The following ABCB7 variants were observed in gnomAD, a reference collection of about 807,000 sequenced individuals.
ABCB7 encodes ATP binding cassette subfamily B member 7.
A neutral mutation model predicts 54.4 loss-of-function variants in ABCB7; 7 were observed. The ratio of observed to expected loss-of-function variants is 0.13; its 90% confidence interval spans 0.07 to 0.24. ABCB7 has a LOEUF of 0.24. Among genes scored for constraint, ABCB7 ranks in the 10% least tolerant of loss-of-function variants. The probability of loss-of-function intolerance (pLI) is 1.00; values close to 1 mark genes in which losing one functional copy is unlikely to be tolerated. For missense variants in ABCB7, 356 were observed against 570.4 expected (o/e 0.62, Z 3.83); for synonymous variants, 218 against 207.1 (o/e 1.05, Z -0.45).
intron 1 of ABCB7, among the ~76,000 whole-genome samples, chrX:75,120,671 G>A (rs1253973957): frequency 1.8e-5 from 2 of 111,190 alleles, no homozygotes; most frequent in African/African-American, 6.6e-5. Context: ...GGAGAAACTG[G>A]TTATTTTACC....
rs1362221057 is a variant in ABCB7 at position 75,051,615 on chromosome X, G to A, written c.*1755C>T. ...CAGGTAAAACTTTTTTTCCTCCCAA[G>A]GTAAAACTTGATTATGTTGTTTGGG... On this transcript the variant is annotated 3_prime_UTR_variant, in exon 16 of 16. Coordinates refer to ENST00000373394, the MANE Select transcript of ABCB7 (RefSeq NM_001271696.3). 9.0e-6 allele frequency: 1 copy of A among 111,706 alleles called. No homozygotes were observed. Among genetic ancestry groups the A allele is most frequent in the East Asian group, 2.8e-4 (1 of 3,592 alleles). The allele number at this position is 111,706 out of a possible 1,213,427, so 9.2% of individuals were successfully genotyped here.
At chrX:75,147,010 A>G (rs1225734552) in intron 1 of ABCB7, among the ~76,000 whole-genome samples, 1 of 111,231 alleles carries the variant, frequency 9.0e-6, no homozygotes, top group Non-Finnish European at 1.9e-5. Flanking sequence ...AGTATATGAA[A>G]AAAACACTTT....
At chrX:75,073,264 A>T (rs1346595015) in intron 8 of ABCB7, among the ~76,000 whole-genome samples, 2 of 111,971 alleles carry the variant, frequency 1.8e-5, no homozygotes, top group African/African-American at 6.5e-5. Flanking sequence ...TCAAATATTA[A>T]ATGATGGGTC....
intron 4 of ABCB7, among the ~76,000 whole-genome samples, chrX:75,079,688 A>C (rs1391618820): frequency 9.0e-6 from 1 of 111,507 alleles, no homozygotes; most frequent in Non-Finnish European, 1.9e-5. Flanking sequence ...TTCAGTTTTC[A>C]CCAACTTTTA....
At chrX:75,068,779 T>C (rs988938086) in intron 12 of ABCB7, among the ~76,000 whole-genome samples, 7 of 112,209 alleles carry the variant, frequency 6.2e-5, no homozygotes, top group Non-Finnish European at 1.3e-4. Context: ...GTGTTCTTTG[T>C]ATTCTATTAT....
chrX:75,065,790 C>T (rs2081313493), intron 12 of ABCB7, among the ~76,000 whole-genome samples: 1 of 111,197 alleles, frequency 9.0e-6, no homozygotes, highest in African/African-American at 3.3e-5. Flanking sequence ...GGTAAGCATA[C>T]TTTTATCCTT....
chrX:75,118,412 T>A (rs1288792793), intron 1 of ABCB7, among the ~76,000 whole-genome samples: 1 of 109,635 alleles, frequency 9.1e-6, no homozygotes, highest in Non-Finnish European at 1.9e-5. Flanking sequence ...TTTTTTTTTT[T>A]AAAGAGCACT....
intron 13 of ABCB7, 163 bp from the exon 14 acceptor site, chrX:75,062,594 A>G (rs2081289562): frequency 4.4e-6 from 2 of 458,869 alleles, no homozygotes; most frequent in Non-Finnish European, 7.7e-6. Context: ...CATATACAAT[A>G]TCTTTTGACA....
intron 10 of ABCB7, among the ~76,000 whole-genome samples, chrX:75,069,970 G>T (rs1437676635): frequency 9.0e-6 from 1 of 110,850 alleles, no homozygotes; most frequent in Non-Finnish European, 1.9e-5. Context: ...CACCTCCCAG[G>T]TTCAAGCGAT....
intron 1 of ABCB7, among the ~76,000 whole-genome samples, chrX:75,117,901 CT>C (rs760368818): frequency 2.7e-5 from 3 of 111,909 alleles, no homozygotes; most frequent in Non-Finnish European, 5.6e-5. Context: ...TCTCCCTTTC[CT>C]TTCCTTTCTC....
chrX:75,071,441 T>C, intron 9 of ABCB7, 68 bp downstream of exon 9: 1 of 1,118,573 alleles, frequency 8.9e-7, no homozygotes, highest in Non-Finnish European at 1.2e-6. Context: ...AGCATGCACA[T>C]TCCTTTCATT....
At chrX:75,139,516 T>G (rs767276085) in intron 1 of ABCB7, among the ~76,000 whole-genome samples, 35 of 112,289 alleles carry the variant, frequency 3.1e-4, no homozygotes, top group Admixed American at 3.0e-3. Flanking sequence ...CTGAGAGTAG[T>G]ACCTGTTTAC....
chrX:75,055,553 CAA>C (rs59851777), intron 15 of ABCB7, among the ~76,000 whole-genome samples: 58 of 21,744 alleles, frequency 2.7e-3, no homozygotes, highest in East Asian at 8.7e-3. Flanking sequence ...CCATCTCTAC[CAA>C]AAAAAAAAAA....
At chrX:75,116,418 C>CA (rs1224754672) in intron 1 of ABCB7, among the ~76,000 whole-genome samples, 4 of 109,068 alleles carry the variant, frequency 3.7e-5, no homozygotes, top group Non-Finnish European at 7.6e-5. Flanking sequence ...TTAACCTTAG[C>CA]AAAATAAACC....
chrX:75,104,054 T>TG (rs1569233184), intron 3 of ABCB7, among the ~76,000 whole-genome samples: 13 of 51,412 alleles, frequency 2.5e-4, no homozygotes, highest in South Asian at 1.4e-3. Context: ...ACAGTTTTTT[T>TG]TTTTTTTTTT....
rs939018579 is a variant in ABCB7, at chrX:75,092,211, T to C, written c.453+6731A>G. 3.6e-5 allele frequency among the ~76,000 whole-genome samples: 4 copies of C among 111,329 alleles called. No individual in the cohort carries two copies. In the East Asian group the frequency reaches 1.1e-3, roughly 31 times the overall value. On this transcript the variant is annotated intron_variant, in intron 4 of 15. Transcript: ENST00000373394. The stretch of plus-strand genomic sequence containing the variant: ...TACAGTAATCCTGACAGTATGGTAC[T>C]GGTCAAAAAATAGACAAATAGATCA...
chrX:75,107,665 C>T (rs1361832372), intron 3 of ABCB7, among the ~76,000 whole-genome samples: 1 of 111,852 alleles, frequency 8.9e-6, no homozygotes, highest in East Asian at 2.8e-4. Context: ...CACCTGCTAA[C>T]TGAAGAGCCC....
intron 5 of ABCB7, 37 bp downstream of exon 5, chrX:75,076,485 G>C: frequency 8.3e-7 from 1 of 1,204,963 alleles, no homozygotes; most frequent in Non-Finnish European, 1.1e-6. Context: ...CTTGAAGAAA[G>C]TCAACACCTG....
intron 1 of ABCB7, among the ~76,000 whole-genome samples, chrX:75,128,536 T>C (rs2081951466): frequency 8.9e-6 from 1 of 111,850 alleles, no homozygotes; most frequent in South Asian, 3.7e-4. Flanking sequence ...GACATAGGCA[T>C]GGGCAAAGAC....
Sources: allele counts gnomAD v4.1 joint callset (sites outside exome capture counted in the v4.1 genomes callset), GRCh38; gene constraint gnomAD v4.1.1; transcripts MANE v1.5; gene names NCBI Gene and HGNC (gene_info 2026-07-23, HGNC 2026-07-21).